Variants in PKIB observed in about 807,000 individuals in gnomAD.
PKIB encodes the protein PKI-beta.
PKIB carries 2 observed loss-of-function variants against 4.5 expected under a neutral mutation model. The observed-to-expected ratio is 0.44, with a 90% confidence interval of 0.18 to 1.39. The LOEUF (loss-of-function observed/expected upper bound fraction) is 1.39, where lower values mean the gene tolerates loss of function less well. Among genes scored for constraint, PKIB ranks in the 40% most tolerant of loss-of-function variants. The probability of loss-of-function intolerance (pLI) is 0.27; values close to 1 mark genes in which losing one functional copy is unlikely to be tolerated. For synonymous variants in PKIB, 38 were observed against 36.0 expected (o/e 1.06, Z -0.20); for missense variants, 94 against 92.6 (o/e 1.02, Z -0.06).
intron 3 of PKIB, among the ~76,000 whole-genome samples, chr6:122,589,245 A>G (rs1773945616): frequency 6.6e-6 from 1 of 152,138 alleles, no homozygotes; most frequent in African/African-American, 2.4e-5. Flanking sequence ...AAATGTTAAT[A>G]TTTTTATTCC....
At chr6:122,607,294 C>A (rs568233125), upstream of PKIB, among the ~76,000 whole-genome samples, 1 of 151,786 alleles carries the variant, frequency 6.6e-6, no homozygotes, top group South Asian at 2.1e-4. Flanking sequence ...GCCAACATAG[C>A]AAAACCCCGT....
intron 3 of PKIB, among the ~76,000 whole-genome samples, chr6:122,598,076 T>C (rs1774234852): frequency 6.6e-6 from 1 of 152,162 alleles, no homozygotes. Flanking sequence ...GGAGAAAGAT[T>C]CACTGCATAA....
At chr6:122,682,065 T>C (rs973442531) in intron 3 of PKIB, among the ~76,000 whole-genome samples, 8 of 152,134 alleles carry the variant, frequency 5.3e-5, no homozygotes, top group Non-Finnish European at 4.4e-5. Context: ...CTACTGCATG[T>C]AGACAATCAC....
chr6:122,714,943 CCTGA>C (rs1160524709), intron 3 of PKIB, among the ~76,000 whole-genome samples: 22 of 151,606 alleles, frequency 1.5e-4, no homozygotes, highest in African/African-American at 5.4e-4. Flanking sequence ...AGCCACCATA[CCTGA>C]CTATTTTTTT....
intron 2 of PKIB, among the ~76,000 whole-genome samples, chr6:122,646,237 C>T (rs1046790721): frequency 1.3e-5 from 2 of 152,098 alleles, no homozygotes; most frequent in African/African-American, 4.8e-5. Flanking sequence ...AAATTAATTT[C>T]CTTACAATAA....
intron 2 of PKIB, among the ~76,000 whole-genome samples, chr6:122,647,882 C>T (rs955441692): frequency 6.6e-6 from 1 of 152,222 alleles, no homozygotes; most frequent in African/African-American, 2.4e-5. Context: ...CTTAGCCTGG[C>T]GGCGTGACCC....
intron 1 of PKIB, among the ~76,000 whole-genome samples, chr6:122,627,711 T>C (rs934154838): frequency 6.6e-6 from 1 of 152,204 alleles, no homozygotes; most frequent in African/African-American, 2.4e-5. Context: ...TTACCCCAAA[T>C]GGCCTTCATT....
At chr6:122,541,070 G>A (rs1462123008) in intron 2 of PKIB, among the ~76,000 whole-genome samples, 2 of 151,076 alleles carry the variant, frequency 1.3e-5, no homozygotes, top group Non-Finnish European at 2.9e-5. Context: ...TTGAGCCTAT[G>A]TGTGTCTCTG....
intron 2 of PKIB, among the ~76,000 whole-genome samples, chr6:122,490,917 G>T (rs1488679116): frequency 6.6e-6 from 1 of 152,122 alleles, no homozygotes; most frequent in Non-Finnish European, 1.5e-5. Flanking sequence ...CCTGAATGGG[G>T]CTAAGATCAC....
In PKIB at chr6:122,706,002, T is replaced by C. The variant is rs367773981; in HGVS notation, c.-8-11785T>C. Among the ~76,000 whole-genome samples, 17 of 152,344 alleles carry C rather than the reference T, an allele frequency of 1.1e-4. No homozygotes were observed. In the South Asian group the frequency reaches 3.3e-3, roughly 30 times the overall value. On this transcript the variant is annotated intron_variant, in intron 3 of 4. Coordinates refer to ENST00000368452, the MANE Select transcript of PKIB (RefSeq NM_181795.3). Reference sequence around the variant, plus strand: ...TGTTATGACTATGCTCCAACTCATTTTTCCAACTCCACGTGGGCATAACAC... The same window carrying C: ...TGTTATGACTATGCTCCAACTCATTCTTCCAACTCCACGTGGGCATAACAC...
intron 2 of PKIB, chr6:122,483,193 C>G (rs911326847): frequency 6.6e-6 from 1 of 151,824 alleles, no homozygotes; most frequent in African/African-American, 2.4e-5. Flanking sequence ...TAAATTTAAA[C>G]CAGACAAAAA....
chr6:122,571,048 A>T (rs891797283), intron 2 of PKIB, among the ~76,000 whole-genome samples: 2 of 97,396 alleles, frequency 2.1e-5, no homozygotes, highest in Admixed American at 8.7e-5. Context: ...TGGATATCAT[A>T]AAAAAAAACA....
intron 3 of PKIB, among the ~76,000 whole-genome samples, chr6:122,679,884 C>T (rs922996935): frequency 5.3e-5 from 8 of 152,244 alleles, no homozygotes; most frequent in African/African-American, 1.9e-4. Flanking sequence ...GCTGAGGCTT[C>T]GAGAGCTTAA....
At chr6:122,608,055 G>C (rs7772659), upstream of PKIB, among the ~76,000 whole-genome samples, 21,031 of 152,014 alleles carry the variant, frequency 0.14, 1,629 homozygotes, top group Non-Finnish European at 0.15. Context: ...CTTGATCTTC[G>C]TTCTACGTCA....
intron 3 of PKIB, among the ~76,000 whole-genome samples, chr6:122,707,037 T>C (rs1779087834): frequency 6.6e-6 from 1 of 152,012 alleles, no homozygotes; most frequent in Admixed American, 6.6e-5. Context: ...TATAGTAACA[T>C]AATTTTGTAC....
chr6:122,674,580 C>T (rs1777596552), intron 2 of PKIB, among the ~76,000 whole-genome samples: 1 of 152,176 alleles, frequency 6.6e-6, no homozygotes. Flanking sequence ...ATTCCTTTGA[C>T]ATGATCCTTA....
At chr6:122,524,324 C>T (rs1331284413) in intron 2 of PKIB, among the ~76,000 whole-genome samples, 1 of 142,600 alleles carries the variant, frequency 7.0e-6, no homozygotes, top group Admixed American at 7.2e-5. Context: ...TTTCCTCTTC[C>T]TCCTCCTCCT....
intron 3 of PKIB, among the ~76,000 whole-genome samples, chr6:122,596,057 C>T (rs1007157019): frequency 6.6e-6 from 1 of 152,216 alleles, no homozygotes; most frequent in Non-Finnish European, 1.5e-5. Flanking sequence ...TCCAGCCAAA[C>T]CATTGGCTAT....
At chr6:122,707,177 G>T (rs1412772515) in intron 3 of PKIB, among the ~76,000 whole-genome samples, 1 of 151,942 alleles carries the variant, frequency 6.6e-6, no homozygotes, top group Non-Finnish European at 1.5e-5. Context: ...TCTTTCTAAA[G>T]TTGTTTGCCC....
Sources: allele counts gnomAD v4.1 joint callset (sites outside exome capture counted in the v4.1 genomes callset), GRCh38; gene constraint gnomAD v4.1.1; transcripts MANE v1.5; gene names NCBI Gene and HGNC (gene_info 2026-07-23, HGNC 2026-07-21).